DOCK10: variants seen among roughly 807,000 people sequenced by gnomAD.
DOCK10 encodes dedicator of cytokinesis protein 10.
A neutral mutation model predicts 280.1 loss-of-function variants in DOCK10; 145 were observed. The observed-to-expected ratio is 0.52, with a 90% CI of 0.45 to 0.59. The LOEUF is 0.59. Among genes scored for constraint, DOCK10 ranks in the 20% least tolerant of loss-of-function variants. DOCK10 has a pLI of 0.00. For synonymous variants in DOCK10, 915 were observed against 942.2 expected (o/e 0.97, Z 0.53); for missense variants, 2,368 against 2,651.7 (o/e 0.89, Z 2.35).
chr2:225,040,475 A>G (rs73075762), intron 1 of DOCK10, among the ~76,000 whole-genome samples: 8,197 of 151,622 alleles, frequency 0.054, 732 homozygotes, highest in African/African-American at 0.19. Flanking sequence ...AAGATACCCT[A>G]GGATTTCAAA....
intron 2 of DOCK10, among the ~76,000 whole-genome samples, chr2:224,919,361 G>T (rs948450526): frequency 2.0e-5 from 3 of 151,138 alleles, no homozygotes; most frequent in African/African-American, 7.3e-5. Flanking sequence ...TGTGATGTGT[G>T]TCTGTATAGG....
In DOCK10 at chr2:225,009,158, GACGCCTAAGTAAGGGGGTC is replaced by G. The variant is rs1194760825; in HGVS notation, c.123+33075_123+33093del. Among the ~76,000 whole-genome samples the G allele has an allele frequency of 5.3e-5, 8 of 152,278 alleles. No homozygotes were observed. In the East Asian group the frequency reaches 1.5e-3, roughly 29 times the overall value. The stretch of plus-strand genomic sequence containing the variant: ...GAGAGATGCTTGAAAAACCAGGGTC[GACGCCTAAGTAAGGGGGTC>G]ACAGATTAGGTTTAAGTGGTTAAAA... On this transcript the variant is annotated intron_variant, in intron 1 of 55. Transcript: ENST00000258390.
At chr2:224,866,496 A>G (rs1016861368) in intron 11 of DOCK10, among the ~76,000 whole-genome samples, 1 of 152,076 alleles carries the variant, frequency 6.6e-6, no homozygotes, top group African/African-American at 2.4e-5. Context: ...ATTGATTTGT[A>G]TTTGTGGAAA....
chr2:224,942,518 G>A (rs1036925552), intron 1 of DOCK10, among the ~76,000 whole-genome samples: 1 of 152,130 alleles, frequency 6.6e-6, no homozygotes, highest in Non-Finnish European at 1.5e-5. Context: ...TCAGCTAACT[G>A]GCTCGTTTCA....
chr2:224,767,013 T>C (rs1690112735), intron 55 of DOCK10, among the ~76,000 whole-genome samples: 1 of 152,222 alleles, frequency 6.6e-6, no homozygotes, highest in Admixed American at 6.5e-5. Context: ...AATACTTTTC[T>C]AGACACTTTT....
In DOCK10 at chr2:224,856,957, T is replaced by C. The variant is rs781753053; in HGVS notation, c.1711A>G (p.Asn571Asp). ...GAAAATCTTGAGTCTCTGTCCACAT[T>C]TCCCTGGTTGTCCTTAAATACTGAT... ...VRSVFKDNQG[N>D]VDRDSRFSPL... is the part of the protein sequence containing the mutation. The change falls in exon 15 of 56, where the codon AAT becomes GAT. Residue 571 changes from asparagine to aspartate, a missense_variant. Transcript: ENST00000258390. The C allele has an allele frequency of 1.2e-6, 2 of 1,611,908 alleles. No homozygotes were observed. The highest frequency in any genetic ancestry group is 1.7e-4 in the Middle Eastern group (1 of 6,056).
At position 224,778,166 on chromosome 2, in the gene DOCK10, T is replaced by C. The variant is rs772498420; in HGVS notation, c.5774A>G (p.Asn1925Ser). Residue 1925 changes from asparagine (N) to serine (S), a missense_variant, in exon 51 of 56, where the codon AAT becomes AGT. By Grantham distance (46) the Asn-to-Ser change is conservative. Around this residue, in one of 2 missense-constraint regions of DOCK10, gnomAD observed 1,159 missense variants for 1,400.8 expected, o/e 0.83. Coordinates refer to ENST00000258390, the MANE Select transcript of DOCK10 (RefSeq NM_014689.3). ...GTTGGAATCCTGGATTATCTTCACA[T>C]TGTCTGCTCCAAATTTATCTGCATA... is the stretch of plus-strand genomic sequence containing the variant. ...KLYADKFGADNVKIIQDSNKV... is the reference protein window; with the variant it reads ...KLYADKFGADSVKIIQDSNKV... 6 of 1,613,464 alleles carry C rather than the reference T, an allele frequency of 3.7e-6. No homozygotes were observed. The highest frequency in any genetic ancestry group is 2.7e-5 in the African/African-American group (2 of 74,946).
chr2:224,856,727 G>A (rs767280566), intron 15 of DOCK10, 133 bp downstream of exon 15: 27 of 768,270 alleles, frequency 3.5e-5, no homozygotes, highest in Non-Finnish European at 4.9e-5. Context: ...TTGGGCATAT[G>A]TGAAGTCACC....
intron 47 of DOCK10, 85 bp from the exon 48 acceptor site, chr2:224,789,255 C>A: frequency 1.3e-6 from 1 of 776,086 alleles, no homozygotes; most frequent in Non-Finnish European, 2.2e-6. Flanking sequence ...ATGATGTTAC[C>A]AAGTGGTAGT....
chr2:224,902,465 G>C (rs753618709), intron 3 of DOCK10, among the ~76,000 whole-genome samples: 3 of 152,196 alleles, frequency 2.0e-5, no homozygotes, highest in Non-Finnish European at 2.9e-5. Context: ...AAGTTGAGAA[G>C]TAATTGTGGC....
rs776027403 is a variant in DOCK10, at chr2:224,864,885, C to T, written c.1460G>A (p.Trp487Ter). 1.2e-6 allele frequency: 2 copies of T among 1,613,950 alleles called. No homozygotes were observed. Among genetic ancestry groups the T allele is most frequent in the Admixed American group, 1.7e-5 (1 of 60,020 alleles). Residue 487 changes from tryptophan (W) to a stop codon, truncating the protein, a stop_gained, in exon 12 of 56, where the codon TGG (tryptophan) becomes TAG (stop). Transcript: ENST00000258390. LOFTEE classifies it high-confidence loss of function. ...TGCCACCTGCTTTGGAAATTTTAGC[C>T]ATTCCTCTGGAAGTCCCTTGATGTG... Reference protein sequence around the residue: ...EPHIKGLPEEWLKFPKQAVFS... With the variant: ...EPHIKGLPEE
At chr2:225,024,151 A>T (rs1034714116) in intron 1 of DOCK10, among the ~76,000 whole-genome samples, 1 of 152,240 alleles carries the variant, frequency 6.6e-6, no homozygotes, top group African/African-American at 2.4e-5. Context: ...AAAGACAGAT[A>T]ATCTATTCTT....
chr2:224,803,153 C>T (rs1396126757), intron 39 of DOCK10, among the ~76,000 whole-genome samples: 1 of 152,112 alleles, frequency 6.6e-6, no homozygotes, highest in Non-Finnish European at 1.5e-5. Flanking sequence ...CCAGATGTCT[C>T]AGGAGCAGCC....
chr2:224,797,890 T>C lies in DOCK10; in HGVS notation c.4586A>G (p.Asn1529Ser), dbSNP rs768618016. The C allele has an allele frequency of 2.9e-5, 47 of 1,613,916 alleles. 1 individual carries two copies. The South Asian group carries it at 4.6e-4, about 16-fold the overall frequency. ...ATGCTTCAGCGCTGTGGCTGACTGA[T>C]TGACTTGGAAAAAGAGCATGTAGGT... is the stretch of plus-strand genomic sequence containing the variant. ...FDTYMLFFQV[N>S]QSATALKHVF... is the part of the protein sequence containing the mutation. Residue 1529 changes from asparagine to serine, a missense_variant, in exon 42 of 56, where the codon AAT becomes AGT. Physicochemically the swap from Asn to Ser is conservative, Grantham distance 46. Transcript: ENST00000258390.
chr2:224,936,624 T>C (rs1702708862), intron 1 of DOCK10, among the ~76,000 whole-genome samples: 1 of 101,568 alleles, frequency 9.8e-6, no homozygotes, highest in Admixed American at 1.0e-4. Context: ...ATTGTTTATG[T>C]ATTTATTGTT....
rs375933534 is a variant in DOCK10, at chr2:224,770,346, T to C, written c.6309A>G (p.Gln2103=). The part of the protein sequence containing the change: ...QVKLLKEIFR[Q]FADACGQALD... ...GGGCCTGCCCACATGCATCTGCAAA[T>C]TGCCTTTAGCGACAGCATTAAACAA... is the stretch of plus-strand genomic sequence containing the variant. The change falls in exon 55 of 56, where the codon CAA becomes CAG. Residue 2103 remains glutamine, a synonymous_variant. Coordinates refer to ENST00000258390, the MANE Select transcript of DOCK10 (RefSeq NM_014689.3). The surrounding 1 kb of genome is among the most constrained non-coding windows in gnomAD (Gnocchi z 4.5). The C allele has an allele frequency of 1.3e-6, 2 of 1,596,168 alleles. No individual in the cohort carries two copies. The highest frequency in any genetic ancestry group is 2.2e-5 in the East Asian group (1 of 44,638).
chr2:225,028,087 C>T (rs1414483278), intron 1 of DOCK10, among the ~76,000 whole-genome samples: 20 of 152,114 alleles, frequency 1.3e-4, no homozygotes, highest in Admixed American at 1.2e-3. Context: ...TCCACAGAAC[C>T]TATAAATATA....
chr2:224,867,143 A>T (rs1172280781), intron 11 of DOCK10, among the ~76,000 whole-genome samples: 1 of 152,084 alleles, frequency 6.6e-6, no homozygotes, highest in Non-Finnish European at 1.5e-5. Context: ...ATGAATACTT[A>T]TTAAAAACCA....
intron 3 of DOCK10, among the ~76,000 whole-genome samples, chr2:224,914,243 A>G (rs1559746119): frequency 6.6e-6 from 1 of 152,134 alleles, no homozygotes; most frequent in African/African-American, 2.4e-5. Context: ...TGTTTTAGGT[A>G]TTTTTTGTTT....
Sources: gnomAD v4.1 joint callset for allele counts (sites outside exome capture counted in the v4.1 genomes callset) on GRCh38, gnomAD v4.1.1 for gene constraint, gnomAD v4.1.1 regional missense constraint, Gnocchi (gnomAD v3.1) non-coding constraint, MANE v1.5 for transcripts, NCBI Gene and HGNC (gene_info 2026-07-23, HGNC 2026-07-21) for gene names.